NHSL1: variants seen among roughly 807,000 people sequenced by gnomAD.
The protein encoded by NHSL1 is NHS like 1, also known as NHS-like protein 1.
A neutral mutation model predicts 95.0 loss-of-function variants in NHSL1; 48 were observed. The observed-to-expected ratio is 0.51, with a 90% CI of 0.40 to 0.64. The LOEUF is 0.64. Among genes scored for constraint, NHSL1 ranks in the 30% least tolerant of loss-of-function variants. The pLI is 0.00. For missense variants in NHSL1, 1,971 were observed against 2,077.7 expected, an observed-to-expected ratio of 0.95 and a Z score of 1.00; for synonymous variants, 783 against 833.9, an observed-to-expected ratio of 0.94 and a Z score of 1.05.
intron 1 of NHSL1, among the ~76,000 whole-genome samples, chr6:138,529,432 T>C (rs1335123930): frequency 6.6e-6 from 1 of 152,220 alleles, no homozygotes; most frequent in African/African-American, 2.4e-5. Context: ...TTGCCTCGGA[T>C]GAGAGCCATG....
chr6:138,431,098 T>C lies in NHSL1; in HGVS notation c.3247A>G (p.Lys1083Glu). ...TGTGCCGCCTCAGCGCCTGAGTTCT[T>C]TCTCACGGGCCTCAACTGCACCATC... ...LQMVQLRPVR[K>E]NSGAEAAQLS... The change falls in exon 6 of 8, where the codon AAG becomes GAG. Residue 1083 changes from lysine (K) to glutamate (E), a missense_variant. Lys to Glu is a moderately conservative substitution (Grantham distance 56, BLOSUM62 1). Transcript: ENST00000343505. The surrounding 1 kb of genome is among the most constrained non-coding windows in gnomAD (Gnocchi z 4.0). 6.4e-7 allele frequency: 1 copy of C among 1,551,886 alleles called. No homozygotes were observed. Among genetic ancestry groups the C allele is most frequent in the Non-Finnish European group, 8.7e-7 (1 of 1,147,044 alleles).
At chr6:138,495,224 C>T (rs1470873991) in intron 2 of NHSL1, among the ~76,000 whole-genome samples, 2 of 152,142 alleles carry the variant, frequency 1.3e-5, no homozygotes, top group Non-Finnish European at 2.9e-5. Flanking sequence ...GCCTGGGTGA[C>T]AGAGTGAGAC....
At chr6:138,689,394 G>A (rs1785629530) in intron 1 of NHSL1, among the ~76,000 whole-genome samples, 1 of 152,072 alleles carries the variant, frequency 6.6e-6, no homozygotes, top group South Asian at 2.1e-4. Flanking sequence ...TCTCCCCAAG[G>A]CATGACAAAA....
rs71547093 is a variant in NHSL1, at chr6:138,525,580, A to T, written c.16+20043T>A. On this transcript the variant is annotated intron_variant, in intron 1 of 4. Transcript: ENST00000342260. ...ATAAATAAATAAATAAATAAATAAA[A>T]AGGGAAAGATGCAGTCCTATATGCT... Among the ~76,000 whole-genome samples, 36 of 148,098 alleles carry T rather than the reference A, an allele frequency of 2.4e-4. No homozygotes were observed. The East Asian group carries it at 4.6e-3, about 19-fold the overall frequency.
chr6:138,476,985 CTCAAGT>C (rs1779117257), intron 2 of NHSL1, among the ~76,000 whole-genome samples: 1 of 129,446 alleles, frequency 7.7e-6, no homozygotes, highest in Non-Finnish European at 1.6e-5. Flanking sequence ...AAAAAAAAGA[CTCAAGT>C]TCAATAGTTT....
intron 1 of NHSL1, among the ~76,000 whole-genome samples, chr6:138,646,903 A>G (rs1785027606): frequency 6.6e-6 from 1 of 152,232 alleles, no homozygotes; most frequent in Admixed American, 6.5e-5. Flanking sequence ...GCCCATTAAG[A>G]ATTTTAATTA....
chr6:138,443,034 CACAT>C (rs1420029923), intron 4 of NHSL1, among the ~76,000 whole-genome samples: 11 of 150,280 alleles, frequency 7.3e-5, no homozygotes, highest in African/African-American at 2.5e-4. Context: ...TATATATATA[CACAT>C]ATATATACAT....
At chr6:138,441,880 G>T in intron 5 of NHSL1, 103 bp downstream of exon 5, 3 of 1,127,790 alleles carry the variant, frequency 2.7e-6, no homozygotes, top group Non-Finnish European at 2.4e-6. Context: ...GGCACCAAAC[G>T]GCTATCAGAA....
chr6:138,523,627 G>GAAAAAAAAAAAAAA (rs67335375), intron 1 of NHSL1, among the ~76,000 whole-genome samples: 2 of 64,938 alleles, frequency 3.1e-5, no homozygotes, highest in Non-Finnish European at 6.4e-5. Flanking sequence ...TTTTAAAGAG[G>GAAAAAAAAAAAAAA]AAAAAAAAAA....
chr6:138,670,335 A>T (rs1168814365), intron 1 of NHSL1, among the ~76,000 whole-genome samples: 1 of 151,606 alleles, frequency 6.6e-6, no homozygotes, highest in Non-Finnish European at 1.5e-5. Context: ...AGATCTAAAC[A>T]GAAAAAAACA....
chr6:138,466,870 G>C (rs1374430911), intron 3 of NHSL1, among the ~76,000 whole-genome samples: 1 of 151,996 alleles, frequency 6.6e-6, no homozygotes, highest in Non-Finnish European at 1.5e-5. Context: ...GATCACCTGA[G>C]ATCAGGAGTT....
At chr6:138,494,484 A>G (rs1780236152) in intron 2 of NHSL1, among the ~76,000 whole-genome samples, 1 of 152,166 alleles carries the variant, frequency 6.6e-6, no homozygotes, top group South Asian at 2.1e-4. Flanking sequence ...GATCACTGGG[A>G]AAATTAGATG....
Position 138,433,519 on chromosome 6 carries a change from T to C in NHSL1, c.826A>G (p.Met276Val). The part of the protein sequence containing the change: ...TEDVKVVPPS[M>V]RRIRAQKGQG... ...CCCTTCTGTGCCCTGATTCTCCTCA[T>C]GGAAGGTGGTACGACCTTCACATCC... The change falls in exon 6 of 8, where the codon ATG becomes GTG. Residue 276 changes from methionine to valine, a missense_variant. Met to Val is a conservative substitution (Grantham distance 21). This residue lies in a region of NHSL1 where 1,602 missense variants were observed against 1,654.5 expected (regional missense o/e 0.97). Coordinates refer to ENST00000343505, the MANE Select transcript of NHSL1 (RefSeq NM_001144060.2). 2 of 1,552,012 alleles carry C rather than the reference T, an allele frequency of 1.3e-6. No homozygotes were observed. The highest frequency in any genetic ancestry group is 8.7e-7 in the Non-Finnish European group (1 of 1,147,064).
intron 1 of NHSL1, among the ~76,000 whole-genome samples, chr6:138,660,792 C>CAAA (rs1175314557): frequency 3.6e-5 from 3 of 82,454 alleles, no homozygotes; most frequent in East Asian, 3.3e-4. Flanking sequence ...CCTGTCTCTA[C>CAAA]AAAAAAAAAA....
chr6:138,476,494 C>T (rs1366573694), intron 2 of NHSL1, among the ~76,000 whole-genome samples: 1 of 151,970 alleles, frequency 6.6e-6, no homozygotes, highest in East Asian at 1.9e-4. Context: ...CTGGGGACTC[C>T]AAAGGGAGGG....
intron 1 of NHSL1, 146 bp downstream of exon 1, chr6:138,499,087 T>A: frequency 1.7e-6 from 1 of 604,202 alleles, no homozygotes; most frequent in South Asian, 2.0e-5. Flanking sequence ...TGTTTCACAC[T>A]CTAATTTCTT....
chr6:138,435,064 G>A (rs1775985347), intron 5 of NHSL1: 1 of 154,628 alleles, frequency 6.5e-6, no homozygotes. Context: ...CAGATAGACA[G>A]ACACATACAC....
intron 1 of NHSL1, among the ~76,000 whole-genome samples, chr6:138,684,009 G>C (rs568054297): frequency 1.0e-3 from 158 of 152,232 alleles, no homozygotes; most frequent in Non-Finnish European, 1.7e-3. Context: ...CCAGCAGTTT[G>C]AGACCAGCCT....
intron 1 of NHSL1, among the ~76,000 whole-genome samples, chr6:138,673,039 A>ATAGG (rs1370172816): frequency 9.7e-4 from 10 of 10,260 alleles, no homozygotes; most frequent in Non-Finnish European, 2.2e-3. Context: ...AGGTAGATAG[A>ATAGG]TAGATAGATA....
Sources: allele counts gnomAD v4.1 joint callset (sites outside exome capture counted in the v4.1 genomes callset), GRCh38; gene constraint gnomAD v4.1.1; regional missense constraint gnomAD v4.1.1; non-coding constraint Gnocchi (gnomAD v3.1); transcripts MANE v1.5; gene names NCBI Gene and HGNC (gene_info 2026-07-23, HGNC 2026-07-21).